Variants in L3MBTL4 observed in about 807,000 individuals in gnomAD.
L3MBTL4 encodes the protein lethal(3)malignant brain tumor-like protein 4.
Under a neutral mutation model 84.5 loss-of-function variants are expected in L3MBTL4, and 70 were observed. The ratio of observed to expected loss-of-function variants is 0.83; its 90% CI spans 0.68 to 1.01. L3MBTL4 has a LOEUF of 1.01. Ranked by LOEUF, L3MBTL4 falls within the 50% of genes least tolerant of loss-of-function variation. L3MBTL4 has a pLI of 0.00. For synonymous variants in L3MBTL4, 274 were observed against 259.8 expected (o/e 1.05, Z -0.52); for missense variants, 715 against 754.8 (o/e 0.95, Z 0.62).
chr18:6,392,133 G>A (rs366202), intron 1 of L3MBTL4, among the ~76,000 whole-genome samples: 76,528 of 151,534 alleles, frequency 0.51, 19,332 homozygotes, highest in East Asian at 0.59. Flanking sequence ...AAAACAGCAT[G>A]GTACTGGTAT....
chr18:6,120,706 T>C (rs977571945), intron 14 of L3MBTL4, among the ~76,000 whole-genome samples: 4 of 152,152 alleles, frequency 2.6e-5, no homozygotes, highest in Admixed American at 2.6e-4. Context: ...TTTTGTACCT[T>C]ATATGAATGG....
chr18:5,985,190 A>G (rs1481138764), intron 16 of L3MBTL4, among the ~76,000 whole-genome samples: 1 of 152,204 alleles, frequency 6.6e-6, no homozygotes, highest in Non-Finnish European at 1.5e-5. Context: ...CTGGGAAAGA[A>G]GTGCATAATG....
At chr18:6,287,750 T>C (rs1300397004) in intron 4 of L3MBTL4, among the ~76,000 whole-genome samples, 1 of 152,234 alleles carries the variant, frequency 6.6e-6, no homozygotes, top group African/African-American at 2.4e-5. Context: ...CAGTTGACTA[T>C]CCTTTTGCCA....
intron 1 of L3MBTL4, among the ~76,000 whole-genome samples, chr18:6,404,667 A>C (rs2055650427): frequency 6.6e-6 from 1 of 151,298 alleles, no homozygotes; most frequent in African/African-American, 2.4e-5. Flanking sequence ...AAAATAATTT[A>C]TAAGCAATTT....
chr18:6,349,467 G>A (rs2053075529), intron 1 of L3MBTL4, among the ~76,000 whole-genome samples: 1 of 152,188 alleles, frequency 6.6e-6, no homozygotes, highest in African/African-American at 2.4e-5. Context: ...GGTGACTCAT[G>A]TCTATAATCA....
At chr18:5,973,455 C>A (rs1298343843) in intron 16 of L3MBTL4, among the ~76,000 whole-genome samples, 2 of 152,198 alleles carry the variant, frequency 1.3e-5, no homozygotes, top group African/African-American at 4.8e-5. Context: ...ATTTTAAATT[C>A]TGTGCATAAA....
At chr18:6,182,086 C>T (rs1053337750) in intron 12 of L3MBTL4, among the ~76,000 whole-genome samples, 3 of 152,230 alleles carry the variant, frequency 2.0e-5, no homozygotes, top group African/African-American at 7.2e-5. Context: ...CTGCTTTCTA[C>T]AATAATTGAA....
At chr18:6,130,930 A>G (rs1035481341) in intron 14 of L3MBTL4, among the ~76,000 whole-genome samples, 1 of 152,240 alleles carries the variant, frequency 6.6e-6, no homozygotes, top group African/African-American at 2.4e-5. Context: ...CATGAATTCC[A>G]TACAAGTTTG....
chr18:6,283,663 G>A (rs1302540647), intron 4 of L3MBTL4, among the ~76,000 whole-genome samples: 1 of 152,054 alleles, frequency 6.6e-6, no homozygotes, highest in Non-Finnish European at 1.5e-5. Flanking sequence ...TATCTCCCTA[G>A]AGTCAAACAC....
At chr18:6,325,552 C>A (rs1442418759) in intron 1 of L3MBTL4, among the ~76,000 whole-genome samples, 2 of 152,042 alleles carry the variant, frequency 1.3e-5, no homozygotes, top group African/African-American at 4.8e-5. Flanking sequence ...ATATATACGG[C>A]AAACTATATA....
In L3MBTL4 at chr18:6,352,966, C is replaced by T. The variant is rs953973167; in HGVS notation, c.-90-40910G>A. On this transcript the variant is annotated intron_variant, in intron 1 of 18. Coordinates refer to ENST00000317931, the MANE Select transcript of L3MBTL4 (RefSeq NM_001330559.2). ...CTTATTTTAAAAGACAAATACCTCC[C>T]GTAACCTTTTAAAATAAACTAAATG... is the stretch of plus-strand genomic sequence containing the variant. Among the ~76,000 whole-genome samples, 20 of 152,178 alleles carry T rather than the reference C, an allele frequency of 1.3e-4. 1 individual carries two copies. Among genetic ancestry groups the T allele is most frequent in the South Asian group, 8.3e-4 (4 of 4,820 alleles).
chr18:6,196,420 A>G (rs778640693), intron 12 of L3MBTL4, among the ~76,000 whole-genome samples: 55 of 152,096 alleles, frequency 3.6e-4, no homozygotes, highest in South Asian at 8.3e-4. Context: ...GCCTCCCAAA[A>G]TGCTGGGATT....
chr18:6,110,527 G>A (rs919067913), intron 14 of L3MBTL4, among the ~76,000 whole-genome samples: 5 of 148,282 alleles, frequency 3.4e-5, no homozygotes, highest in African/African-American at 1.2e-4. Flanking sequence ...GTGTGGCTGT[G>A]TGCACATGGG....
intron 16 of L3MBTL4, among the ~76,000 whole-genome samples, chr18:5,981,302 A>C (rs2053199908): frequency 6.6e-6 from 1 of 152,254 alleles, no homozygotes; most frequent in South Asian, 2.1e-4. Context: ...CACAGACTTC[A>C]GTCTTTAAAA....
Position 5,995,189 on chromosome 18 carries a change from G to A in L3MBTL4, c.1445-25627C>T, listed in dbSNP as rs114638112. On this transcript the variant is annotated intron_variant, in intron 16 of 18. Coordinates refer to ENST00000317931, the MANE Select transcript of L3MBTL4 (RefSeq NM_001330559.2). ...CTGTGCTTTCCACAGCGGCGACCAC[G>A]CCATGCAGGGATACTGCAAGGTAAA... 1.8e-3 allele frequency among the ~76,000 whole-genome samples: 271 copies of A among 152,362 alleles called. 2 individuals are homozygous for A. Among genetic ancestry groups the A allele is most frequent in the African/African-American group, 5.8e-3 (242 of 41,588 alleles).
intron 14 of L3MBTL4, among the ~76,000 whole-genome samples, chr18:6,125,584 A>C (rs1317403796): frequency 3.3e-5 from 5 of 151,946 alleles, no homozygotes; most frequent in Admixed American, 1.3e-4. Context: ...ACACACCACC[A>C]CACCCCACTA....
rs1278614121 is a variant in L3MBTL4, at chr18:6,292,472, A to T, written c.127+9431T>A. On this transcript the variant is annotated intron_variant, in intron 4 of 18. Transcript: ENST00000317931. ...CTGACAAGCAGGAATTTGATGCTGG[A>T]TTCCAAACAAATCTGAGAAAAATTT... 2.0e-5 allele frequency among the ~76,000 whole-genome samples: 3 copies of T among 152,282 alleles called. No homozygotes were observed. In the East Asian group the frequency reaches 5.8e-4, roughly 29 times the overall value.
At chr18:6,296,003 T>A (rs1040148277) in intron 4 of L3MBTL4, among the ~76,000 whole-genome samples, 2 of 152,330 alleles carry the variant, frequency 1.3e-5, no homozygotes, top group African/African-American at 4.8e-5. Context: ...CTTTTTATTG[T>A]TAATACCCAT....
At chr18:6,105,800 C>CA (rs530044057) in intron 14 of L3MBTL4, among the ~76,000 whole-genome samples, 2,024 of 96,002 alleles carry the variant, frequency 0.021, 19 homozygotes, top group East Asian at 0.037. Context: ...AACTCTGTCT[C>CA]AAAAAAAAAA....
Sources: allele counts gnomAD v4.1 joint callset (sites outside exome capture counted in the v4.1 genomes callset), GRCh38; gene constraint gnomAD v4.1.1; transcripts MANE v1.5; gene names NCBI Gene and HGNC (gene_info 2026-07-23, HGNC 2026-07-21).